Variants in TMEM94 observed in about 807,000 individuals in gnomAD.
TMEM94 encodes the protein ER Mg2+ ATPase.
In TMEM94, 81 loss-of-function variants were observed where a neutral mutation model predicts 158.6. That is an observed-to-expected ratio of 0.51 (90% CI 0.43 to 0.61). The LOEUF is 0.61. Among genes scored for constraint, TMEM94 ranks in the 20% least tolerant of loss-of-function variants. The pLI is 0.00. For synonymous variants in TMEM94, 751 were observed against 730.7 expected, an observed-to-expected ratio of 1.03 and a Z score of -0.45; for missense variants, 1,435 against 1,762.0, an observed-to-expected ratio of 0.81 and a Z score of 3.32.
At chr17:75,458,624 G>A (rs2049965036) in intron 1 of TMEM94, among the ~76,000 whole-genome samples, 2 of 151,324 alleles carry the variant, frequency 1.3e-5, no homozygotes, top group South Asian at 2.1e-4. Context: ...CCAGAAGGTC[G>A]ACGCTGCAGT....
chr17:75,480,419 G>C (rs2051069918), intron 2 of TMEM94, among the ~76,000 whole-genome samples: 1 of 152,258 alleles, frequency 6.6e-6, no homozygotes, highest in Admixed American at 6.5e-5. Context: ...CAGGCGCCCT[G>C]CCTGGGAGTA....
At position 75,496,341 on chromosome 17, in the gene TMEM94, C is replaced by T; in HGVS notation, c.3113C>T (p.Thr1038Ile). The change falls in exon 24 of 32, where the codon ACC (threonine) becomes ATC (isoleucine). Residue 1038 changes from threonine to isoleucine, a missense_variant. Thr to Ile is a moderately conservative substitution (Grantham distance 89). This residue lies in a region of TMEM94 where 335 missense variants were observed against 409.1 expected (regional missense o/e 0.82). Coordinates refer to ENST00000314256, the MANE Select transcript of TMEM94 (RefSeq NM_014738.6). ...TCCTGGGAGACCTTTGGCTACGCCA[C>T]CAGCATCAGCATGGCCCAGGCCTCG... ...RCSWETFGYA[T>I]SISMAQASDG... 1 of 1,614,158 alleles carries T rather than the reference C, an allele frequency of 6.2e-7. No homozygotes were observed. Among genetic ancestry groups the T allele is most frequent in the Non-Finnish European group, 8.5e-7 (1 of 1,180,044 alleles).
Position 75,487,257 on chromosome 17 carries a change from C to G in TMEM94, c.410-675C>G, listed in dbSNP as rs1044548657. On this transcript the variant is annotated intron_variant, in intron 5 of 31. Coordinates refer to ENST00000314256, the MANE Select transcript of TMEM94 (RefSeq NM_014738.6). The surrounding 1 kb of genome is among the most constrained non-coding windows in gnomAD (Gnocchi z 4.6). ...GAGTGGCCTCCCAGAGCCTCCAACA[C>G]AGGCTCACCTTCCTCTCCAGCCTCT... 1 of 152,636 alleles carries G rather than the reference C, an allele frequency of 6.6e-6. No individual in the cohort carries two copies. The highest frequency in any genetic ancestry group is 2.4e-5 in the African/African-American group (1 of 41,452). The allele number at this position is 152,636 out of a possible 1,614,324, so 9.5% of individuals were successfully genotyped here.
chr17:75,478,544 T>A (rs1456767445), intron 2 of TMEM94, among the ~76,000 whole-genome samples: 1 of 151,978 alleles, frequency 6.6e-6, no homozygotes, highest in Admixed American at 6.6e-5. Context: ...AGGGGCAGAC[T>A]CCTTGTGGTT....
intron 16 of TMEM94, 175 bp downstream of exon 16, chr17:75,493,277 C>T (rs2052379937): frequency 2.3e-6 from 2 of 857,908 alleles, no homozygotes; most frequent in Middle Eastern, 3.1e-4. Context: ...ATGGTGTTGG[C>T]TGCAGAGGCC....
chr17:75,471,605 C>T (rs2050505031), intron 1 of TMEM94, among the ~76,000 whole-genome samples, 195 bp from the exon 2 acceptor site: 1 of 151,810 alleles, frequency 6.6e-6, no homozygotes, highest in African/African-American at 2.4e-5. Context: ...CCTGTCATCC[C>T]AGCTACTCGG....
At chr17:75,473,010 C>T (rs1252900079) in intron 2 of TMEM94, among the ~76,000 whole-genome samples, 2 of 152,090 alleles carry the variant, frequency 1.3e-5, no homozygotes, top group South Asian at 2.1e-4. Flanking sequence ...TCTCAATATC[C>T]CTAGCTCACA....
intron 10 of TMEM94, 74 bp downstream of exon 10, chr17:75,490,424 G>A (rs2052061203): frequency 6.6e-7 from 1 of 1,525,350 alleles, no homozygotes. Context: ...GAGGACGGGG[G>A]CAGAAGTCCA....
intron 24 of TMEM94, 81 bp downstream of exon 24, chr17:75,496,552 G>T: frequency 6.6e-7 from 1 of 1,506,494 alleles, no homozygotes; most frequent in South Asian, 1.2e-5. Flanking sequence ...GGACCTGTTT[G>T]AACCCGGGGA....
At chr17:75,479,771 T>A (rs1267552464) in intron 2 of TMEM94, among the ~76,000 whole-genome samples, 1 of 151,738 alleles carries the variant, frequency 6.6e-6, no homozygotes, top group Non-Finnish European at 1.5e-5. Context: ...TACAAAAAAT[T>A]AGCTGGGTGT....
chr17:75,465,679 A>ATATATATATATATATATTTTT (rs1247855961), intron 1 of TMEM94, among the ~76,000 whole-genome samples: 1 of 124,842 alleles, frequency 8.0e-6, no homozygotes, highest in African/African-American at 3.5e-5. Context: ...ATATATATAT[A>ATATATATATATATATATTTTT]TTTTTTTTTA....
rs1158575107 is a variant in TMEM94, at chr17:75,495,339, C to G, written c.2784C>G (p.Asp928Glu). 6.2e-7 allele frequency: 1 copy of G among 1,613,912 alleles called. No individual in the cohort carries two copies. Residue 928 changes from aspartate to glutamate, a missense_variant, in exon 21 of 32, where the codon GAC (aspartate) becomes GAG (glutamate). Coordinates refer to ENST00000314256, the MANE Select transcript of TMEM94 (RefSeq NM_014738.6). The surrounding 1 kb of genome is among the most constrained non-coding windows in gnomAD (Gnocchi z 5.6). ...TCATGGAGGAGGAGGGCCACTCGGA[C>G]CTCATCAGCTTCCAGCCTACGGACA... is the stretch of plus-strand genomic sequence containing the variant. ...LLLMEEEGHS[D>E]LISFQPTDSD...
intron 2 of TMEM94, among the ~76,000 whole-genome samples, chr17:75,476,910 A>G (rs1032337572): frequency 4.6e-5 from 7 of 152,184 alleles, no homozygotes; most frequent in African/African-American, 1.4e-4. Flanking sequence ...GGGATTGGGA[A>G]TGAGAGCCAG....
chr17:75,497,142 A>G lies in TMEM94; in HGVS notation c.3351A>G (p.Pro1117=). The stretch of plus-strand genomic sequence containing the variant: ...TTTCTTGCCTGGTCCAGCTGCCGCC[A>G]CTCCTGAGTACCACCGACATCCTGT... The part of the protein sequence containing the change: ...QFLSCLVQLP[P]LLSTTDILWL... The change falls in exon 26 of 32, where the codon CCA becomes CCG. Residue 1117 remains proline (P), a synonymous_variant. Coordinates refer to ENST00000314256, the MANE Select transcript of TMEM94 (RefSeq NM_014738.6). 6.2e-7 allele frequency: 1 copy of G among 1,612,808 alleles called. No individual in the cohort carries two copies. Among genetic ancestry groups the G allele is most frequent in the South Asian group, 1.1e-5 (1 of 90,996 alleles).
In TMEM94 at chr17:75,485,296, G is replaced by GGT. The variant is rs1417565754; in HGVS notation, c.25-131_25-130dup. The GGT allele has an allele frequency of 5.9e-6, 6 of 1,013,148 alleles. No homozygotes were observed. In the East Asian group the frequency reaches 1.5e-4, roughly 25 times the overall value. The allele number at this position is 1,013,148 out of a possible 1,614,324, so 62.8% of individuals were successfully genotyped here. A position where few individuals can be genotyped will look rare whatever the true frequency, so the allele number is the denominator to read the frequency against. The stretch of plus-strand genomic sequence containing the variant: ...GGTCACACCTTGAGAGGCCAGAGCT[G>GGT]GTAGGGGAAGAGATGTGAGGATCCC... On this transcript the variant is annotated intron_variant, in intron 2 of 31. Coordinates refer to ENST00000314256, the MANE Select transcript of TMEM94 (RefSeq NM_014738.6). This position sits in a 1 kb window ranked among gnomAD's most constrained non-coding sequence, Gnocchi z 5.5.
At chr17:75,478,107 C>T (rs1389259863) in intron 2 of TMEM94, among the ~76,000 whole-genome samples, 2 of 130,608 alleles carry the variant, frequency 1.5e-5, no homozygotes, top group Non-Finnish European at 3.3e-5. Flanking sequence ...GCTCCGCCTC[C>T]CGGGTTCACG....
intron 2 of TMEM94, among the ~76,000 whole-genome samples, chr17:75,474,186 T>A (rs954734686): frequency 6.6e-6 from 1 of 151,882 alleles, no homozygotes; most frequent in African/African-American, 2.4e-5. Context: ...CTGAGGTAAC[T>A]CATGAGTTGT....
intron 4 of TMEM94, 138 bp from the exon 5 acceptor site, chr17:75,486,152 C>A: frequency 1.4e-6 from 2 of 1,458,204 alleles, no homozygotes; most frequent in Non-Finnish European, 1.9e-6. Context: ...GGGTCAGAGG[C>A]CTAGCTGGTG....
intron 1 of TMEM94, among the ~76,000 whole-genome samples, chr17:75,471,541 C>G (rs528239844): frequency 7.2e-5 from 11 of 152,114 alleles, no homozygotes; most frequent in African/African-American, 2.7e-4. Flanking sequence ...GCTAACATGG[C>G]AAAACCCTGT....
Sources: allele counts gnomAD v4.1 joint callset (sites outside exome capture counted in the v4.1 genomes callset), GRCh38; gene constraint gnomAD v4.1.1; regional missense constraint gnomAD v4.1.1; non-coding constraint Gnocchi (gnomAD v3.1); transcripts MANE v1.5; gene names NCBI Gene and HGNC (gene_info 2026-07-23, HGNC 2026-07-21).